CD101: variants seen among roughly 807,000 people sequenced by gnomAD.
CD101 encodes immunoglobulin superfamily member 2.
A neutral mutation model predicts 98.2 loss-of-function variants in CD101; 76 were observed. The observed-to-expected ratio is 0.77, with a 90% CI of 0.64 to 0.94. The LOEUF (loss-of-function observed/expected upper bound fraction) is 0.94, where lower values mean the gene tolerates loss of function less well. Among genes scored for constraint, CD101 ranks in the 40% least tolerant of loss-of-function variants. The probability of loss-of-function intolerance (pLI) is 0.00; values close to 1 mark genes in which losing one functional copy is unlikely to be tolerated. For missense variants in CD101, 1,145 were observed against 1,218.8 expected (o/e 0.94, Z 0.90); for synonymous variants, 471 against 472.7 (o/e 1.00, Z 0.05).
chr1:117,033,616 T>C lies in CD101; in HGVS notation c.2825-244T>C, dbSNP rs937709694. On this transcript the variant is annotated intron_variant, in intron 8 of 9. Coordinates refer to ENST00000682167, the MANE Select transcript of CD101 (RefSeq NM_001256106.3). This position sits in a 1 kb window ranked among gnomAD's most constrained non-coding sequence, Gnocchi z 4.8. ...TTGGCTGTTAGTTTTAAGTAGGTCA[T>C]TGGAACCTCCAGTGGTTGGAAATCG... 6.6e-6 allele frequency among the ~76,000 whole-genome samples: 1 copy of C among 152,160 alleles called. No homozygotes were observed. Among genetic ancestry groups the C allele is most frequent in the African/African-American group, 2.4e-5 (1 of 41,424 alleles).
Position 117,012,046 on chromosome 1 carries a change from CT to C in CD101, c.841+81del, listed in dbSNP as rs1269771262. 1 of 1,320,220 alleles carries C rather than the reference CT, an allele frequency of 7.6e-7. No individual in the cohort carries two copies. The highest frequency in any genetic ancestry group is 1.0e-6 in the Non-Finnish European group (1 of 966,800). The allele number at this position is 1,320,220 out of a possible 1,614,324, so 81.8% of individuals were successfully genotyped here. A position where few individuals can be genotyped will look rare whatever the true frequency, so the allele number is the denominator to read the frequency against. On this transcript the variant is annotated intron_variant, in intron 3 of 9. Transcript: ENST00000682167. The surrounding 1 kb of genome is among the most constrained non-coding windows in gnomAD (Gnocchi z 4.0). ...TATGAGGTATGTTTTAATTTTTGTTCTAATCTTTTGTTGGCTCTAAAAAATT... is the reference window on the plus strand; with the variant it reads ...TATGAGGTATGTTTTAATTTTTGTTCAATCTTTTGTTGGCTCTAAAAAATT...
rs143879877 is a variant in CD101 at position 117,029,998 on chromosome 1, T to G, written c.2825-3862T>G. Among the ~76,000 whole-genome samples the G allele has an allele frequency of 3.8e-3, 586 of 152,340 alleles. 6 individuals are homozygous for G. Among genetic ancestry groups the G allele is most frequent in the African/African-American group, 0.014 (569 of 41,576 alleles). On this transcript the variant is annotated intron_variant, in intron 8 of 9. Coordinates refer to ENST00000682167, the MANE Select transcript of CD101 (RefSeq NM_001256106.3). ...AAATGTCTTATTCTAGAGAATTGTC[T>G]GTGATTAATTGATAGGCCAGGCTAT...
At chr1:117,030,347 C>T (rs948474879) in intron 8 of CD101, among the ~76,000 whole-genome samples, 1 of 151,308 alleles carries the variant, frequency 6.6e-6, no homozygotes, top group African/African-American at 2.4e-5. Flanking sequence ...TGCCACTTTG[C>T]TCCAGTCTGG....
intron 8 of CD101, among the ~76,000 whole-genome samples, chr1:117,031,636 T>C (rs114046135): frequency 6.6e-6 from 1 of 152,366 alleles, no homozygotes; most frequent in African/African-American, 2.4e-5. Flanking sequence ...TGTGATTTTC[T>C]TAGCTTTCTC....
Position 117,013,761 on chromosome 1 carries a change from A to G in CD101, c.1197A>G (p.Pro399=). Residue 399 remains proline (P), a synonymous_variant, in exon 4 of 10, where the codon CCA becomes CCG. Transcript: ENST00000682167. Reference sequence around the variant, plus strand: ...AGGTGCTTCAGAGAAAGCAGTCACCAGACAGCCACGTGCACCTGAGGAAGC... The same window carrying G: ...AGGTGCTTCAGAGAAAGCAGTCACCGGACAGCCACGTGCACCTGAGGAAGC... ...SWQVLQRKQS[P]DSHVHLRKPA... 1 of 1,613,024 alleles carries G rather than the reference A, an allele frequency of 6.2e-7. No homozygotes were observed. Among genetic ancestry groups the G allele is most frequent in the East Asian group, 2.2e-5 (1 of 44,862 alleles).
Position 117,013,705 on chromosome 1 carries a change from G to A in CD101, c.1141G>A (p.Glu381Lys), listed in dbSNP as rs1340127566. The change falls in exon 4 of 10, where the codon GAG (glutamate) becomes AAG (lysine). Residue 381 changes from glutamate (E) to lysine (K), a missense_variant. By Grantham distance (56) the Glu-to-Lys change is moderately conservative. Transcript: ENST00000682167. ...AGGCGCCTACAGATGTGTGGTAGCA[G>A]AGGTCATGAAAACACGCACAGGTTC... ...DEGAYRCVVA[E>K]VMKTRTGSWQ... The A allele has an allele frequency of 6.2e-7, 1 of 1,614,102 alleles. No homozygotes were observed. The highest frequency in any genetic ancestry group is 1.7e-5 in the Admixed American group (1 of 60,018).
At chr1:117,011,398 T>C (rs904875646) in intron 2 of CD101, 152 bp from the exon 3 acceptor site, 3 of 643,524 alleles carry the variant, frequency 4.7e-6, no homozygotes, top group Non-Finnish European at 8.0e-6. Flanking sequence ...CCAATGGCAA[T>C]AGAGAAAGCA....
At chr1:117,029,008 ATTTAT>A (rs1654140869) in intron 8 of CD101, among the ~76,000 whole-genome samples, 1 of 151,694 alleles carries the variant, frequency 6.6e-6, no homozygotes, top group Non-Finnish European at 1.5e-5. Flanking sequence ...ATTTGAGCAC[ATTTAT>A]GTTTTAGAGG....
chr1:117,024,496 A>AT (rs1486547989), intron 7 of CD101, among the ~76,000 whole-genome samples: 72 of 1,026 alleles, frequency 0.07, no homozygotes, highest in African/African-American at 0.081. Flanking sequence ...ATAAAATAAA[A>AT]ATAAATAAAT....
chr1:117,011,735 G>T lies in CD101; in HGVS notation c.610G>T (p.Asp204Tyr). The change falls in exon 3 of 10, where the codon GAT (aspartate) becomes TAT (tyrosine). Residue 204 changes from aspartate (D) to tyrosine (Y), a missense_variant. By Grantham distance (160) the Asp-to-Tyr change is radical. Coordinates refer to ENST00000682167, the MANE Select transcript of CD101 (RefSeq NM_001256106.3). The stretch of plus-strand genomic sequence containing the variant: ...CACTGAGATTATTTCTCTCTCCAAA[G>T]ATTTTATATTGGTCCCTGGGCCCTT... ...QATEIISLSK[D>Y]FILVPGPLYT... is the part of the protein sequence containing the mutation. 1 of 1,614,140 alleles carries T rather than the reference G, an allele frequency of 6.2e-7. No homozygotes were observed. The highest frequency in any genetic ancestry group is 1.1e-5 in the South Asian group (1 of 91,080).
Position 117,011,708 on chromosome 1 carries a change from G to A in CD101, c.583G>A (p.Ala195Thr). 1.2e-6 allele frequency: 2 copies of A among 1,614,098 alleles called. No individual in the cohort carries two copies. Among genetic ancestry groups the A allele is most frequent in the South Asian group, 1.1e-5 (1 of 91,066 alleles). The change falls in exon 3 of 10, where the codon GCC (alanine) becomes ACC (threonine). Residue 195 changes from alanine to threonine, a missense_variant. Physicochemically the swap from Ala to Thr is moderately conservative, Grantham distance 58. Coordinates refer to ENST00000682167, the MANE Select transcript of CD101 (RefSeq NM_001256106.3). ...AACACAGGATGGAGGAGGAAGCCAA[G>A]CCACTGAGATTATTTCTCTCTCCAA... ...YLTQDGGGSQATEIISLSKDF... is the reference protein window; with the variant it reads ...YLTQDGGGSQTTEIISLSKDF...
chr1:117,030,955 T>G lies in CD101; in HGVS notation c.2825-2905T>G, dbSNP rs528355415. ...AACTAAGCCTCATGATGAAGTGCTC[T>G]CATTACATTTTTGGCTTTGTTTTGA... On this transcript the variant is annotated intron_variant, in intron 8 of 9. Transcript: ENST00000682167. 9.8e-5 allele frequency among the ~76,000 whole-genome samples: 15 copies of G among 152,364 alleles called. No individual in the cohort carries two copies. The South Asian group carries it at 3.1e-3, about 32-fold the overall frequency.
intron 8 of CD101, among the ~76,000 whole-genome samples, chr1:117,029,222 AAAG>A (rs561949009): frequency 0.11 from 5,828 of 51,462 alleles, 546 homozygotes; most frequent in East Asian, 0.25. Flanking sequence ...GAAAAGAAAG[AAAG>A]AAAGAAAGAA....
intron 1 of CD101, among the ~76,000 whole-genome samples, chr1:117,002,763 CT>C (rs1366508024): frequency 6.6e-6 from 1 of 152,148 alleles, no homozygotes; most frequent in African/African-American, 2.4e-5. Context: ...ACAGGTAGGT[CT>C]TTTAACCACC....
Position 117,013,721 on chromosome 1 carries a change from G to T in CD101, c.1157G>T (p.Arg386Leu). The T allele has an allele frequency of 6.2e-7, 1 of 1,613,982 alleles. No homozygotes were observed. Among genetic ancestry groups the T allele is most frequent in the Non-Finnish European group, 8.5e-7 (1 of 1,180,012 alleles). Reference sequence around the variant, plus strand: ...GTGGTAGCAGAGGTCATGAAAACACGCACAGGTTCCTGGCAGGTGCTTCAG... The same window carrying T: ...GTGGTAGCAGAGGTCATGAAAACACTCACAGGTTCCTGGCAGGTGCTTCAG... ...RCVVAEVMKT[R>L]TGSWQVLQRK... Residue 386 changes from arginine to leucine, a missense_variant, in exon 4 of 10, where the codon CGC (arginine) becomes CTC (leucine). Physicochemically the swap from Arg to Leu is moderately radical, Grantham distance 102 (BLOSUM62 -2). Transcript: ENST00000682167.
In CD101 at chr1:117,017,233, G is replaced by A. The variant is rs779688006; in HGVS notation, c.1372G>A (p.Glu458Lys). Residue 458 changes from glutamate (E) to lysine (K), a missense_variant, in exon 5 of 10, where the codon GAG becomes AAG. Glu to Lys is a moderately conservative substitution (Grantham distance 56, BLOSUM62 1). Transcript: ENST00000682167. ...WHIPRDQTQP[E>K]FVAGMGQDGI... ...CATCCCACGGGACCAGACACAGCCC[G>A]AGTTTGTGGCTGGCATGGGGCAGGA... The A allele has an allele frequency of 1.6e-5, 26 of 1,614,040 alleles. No homozygotes were observed. The highest frequency in any genetic ancestry group is 9.3e-5 in the African/African-American group (7 of 74,932).
rs1356646687 is a variant in CD101 at position 117,022,309 on chromosome 1, GT to G, written c.2428+327del. On this transcript the variant is annotated intron_variant, in intron 7 of 9. Transcript: ENST00000682167. The surrounding 1 kb of genome is among the most constrained non-coding windows in gnomAD (Gnocchi z 4.8). ...TATCATAACAAGCTGTGTCATTCCA[GT>G]GGGGCTCTACTGTAATTTGGCAGAG... 4.6e-5 allele frequency among the ~76,000 whole-genome samples: 7 copies of G among 152,182 alleles called. No homozygotes were observed. The highest frequency in any genetic ancestry group is 1.4e-4 in the African/African-American group (6 of 41,442).
intron 6 of CD101, among the ~76,000 whole-genome samples, chr1:117,020,218 C>T (rs191082029): frequency 1.1e-3 from 174 of 152,204 alleles, no homozygotes; most frequent in African/African-American, 3.7e-3. Flanking sequence ...TTCTATATAC[C>T]TCTGTCTTAC....
intron 4 of CD101, among the ~76,000 whole-genome samples, chr1:117,016,644 A>G (rs1653237909): frequency 6.6e-6 from 1 of 152,212 alleles, no homozygotes. Context: ...GGATCGCTTG[A>G]GGCCAGAAGT....
Sources: allele counts gnomAD v4.1 joint callset (sites outside exome capture counted in the v4.1 genomes callset), GRCh38; gene constraint gnomAD v4.1.1; non-coding constraint Gnocchi (gnomAD v3.1); transcripts MANE v1.5; gene names NCBI Gene and HGNC (gene_info 2026-07-23, HGNC 2026-07-21).